The following FAM117B variants were observed in gnomAD, a reference collection of about 807,000 sequenced individuals.
The protein encoded by FAM117B is protein FAM117B.
In FAM117B, 22 loss-of-function variants were observed where a neutral mutation model predicts 52.8. The observed-to-expected ratio is 0.42, with a 90% CI of 0.30 to 0.59. FAM117B has a LOEUF of 0.59. Among genes scored for constraint, FAM117B ranks in the 20% least tolerant of loss-of-function variants. The pLI is 0.22. For missense variants in FAM117B, 678 were observed against 802.6 expected (o/e 0.84, Z 1.88); for synonymous variants, 309 against 324.1 (o/e 0.95, Z 0.50).
intron 2 of FAM117B, among the ~76,000 whole-genome samples, chr2:202,697,346 A>G (rs1485514382): frequency 6.6e-6 from 1 of 152,214 alleles, no homozygotes; most frequent in Non-Finnish European, 1.5e-5. Flanking sequence ...TAAATGCAGA[A>G]TAAATGGCCC....
intron 2 of FAM117B, among the ~76,000 whole-genome samples, chr2:202,698,059 C>T (rs772103381): frequency 3.3e-5 from 5 of 151,972 alleles, no homozygotes; most frequent in South Asian, 2.1e-4. Context: ...TTAGTAGAGA[C>T]GGGGTTTTGC....
intron 1 of FAM117B, among the ~76,000 whole-genome samples, chr2:202,689,520 T>A (rs1224489231): frequency 6.6e-6 from 1 of 152,218 alleles, no homozygotes; most frequent in African/African-American, 2.4e-5. Flanking sequence ...GCTGAATATT[T>A]ATCATTTGTA....
At chr2:202,668,601 C>G (rs1690246633) in intron 1 of FAM117B, among the ~76,000 whole-genome samples, 1 of 144,466 alleles carries the variant, frequency 6.9e-6, no homozygotes, top group Non-Finnish European at 1.5e-5. Flanking sequence ...GCCTGGGCTA[C>G]AGAGTGAGAT....
At chr2:202,715,032 T>C (rs1204839102) in intron 2 of FAM117B, among the ~76,000 whole-genome samples, 1 of 152,208 alleles carries the variant, frequency 6.6e-6, no homozygotes, top group Non-Finnish European at 1.5e-5. Flanking sequence ...TGGCCCGTTC[T>C]CAATGAGCTG....
At chr2:202,693,209 C>T (rs1378726252) in intron 1 of FAM117B, among the ~76,000 whole-genome samples, 1 of 152,120 alleles carries the variant, frequency 6.6e-6, no homozygotes. Context: ...CAGTATACTC[C>T]ATGTAAAAAT....
chr2:202,732,477 A>G (rs1029264986), intron 4 of FAM117B, among the ~76,000 whole-genome samples: 1 of 152,194 alleles, frequency 6.6e-6, no homozygotes, highest in African/African-American at 2.4e-5. Flanking sequence ...ATTTGATCAT[A>G]AAAAAGAATG....
intron 1 of FAM117B, among the ~76,000 whole-genome samples, chr2:202,643,592 A>G (rs939574621): frequency 2.6e-5 from 4 of 152,176 alleles, no homozygotes; most frequent in Non-Finnish European, 5.9e-5. Context: ...CACTGAACTT[A>G]TTATCAAATA....
In FAM117B at chr2:202,765,642, A is replaced by G. The variant is rs986390388; in HGVS notation, c.1648A>G (p.Ile550Val). The G allele has an allele frequency of 3.1e-6, 5 of 1,614,096 alleles. No homozygotes were observed. The highest frequency in any genetic ancestry group is 1.1e-5 in the South Asian group (1 of 91,078). ...CATGACAACCACTCTGCTGCAGCCT[A>G]TTGCTGTGGCCTCCCTGTCTACAAA... ...TGMTTTLLQP[I>V]AVASLSTNTE... Residue 550 changes from isoleucine to valine, a missense_variant, in exon 8 of 8, where the codon ATT (isoleucine) becomes GTT (valine). Physicochemically the swap from Ile to Val is conservative, Grantham distance 29. This residue lies in a region of FAM117B where 68 missense variants were observed against 80.6 expected (regional missense o/e 0.84). Coordinates refer to ENST00000392238, the MANE Select transcript of FAM117B (RefSeq NM_173511.4).
intron 1 of FAM117B, among the ~76,000 whole-genome samples, chr2:202,674,221 A>C (rs1574550879): frequency 6.6e-6 from 1 of 152,342 alleles, no homozygotes; most frequent in South Asian, 2.1e-4. Flanking sequence ...TCTCAATTTG[A>C]TATCATATAG....
At chr2:202,663,895 T>C (rs1463749250) in intron 1 of FAM117B, among the ~76,000 whole-genome samples, 1 of 152,322 alleles carries the variant, frequency 6.6e-6, no homozygotes, top group Non-Finnish European at 1.5e-5. Context: ...CATTAAGCTT[T>C]TTATATACCA....
At chr2:202,687,266 G>A (rs1289460407) in intron 1 of FAM117B, among the ~76,000 whole-genome samples, 1 of 152,198 alleles carries the variant, frequency 6.6e-6, no homozygotes, top group African/African-American at 2.4e-5. Flanking sequence ...ATAGGAAGTA[G>A]GTCAGAGTTT....
intron 7 of FAM117B, among the ~76,000 whole-genome samples, chr2:202,761,845 C>T (rs1005200733): frequency 1.3e-5 from 2 of 151,746 alleles, no homozygotes; most frequent in African/African-American, 4.8e-5. Flanking sequence ...TGTTTTATGG[C>T]ACATTGATCT....
In FAM117B at chr2:202,765,872, C is replaced by T; in HGVS notation, c.*108C>T. ...GTCGGCTGTGATGTGCTCCAGCTTT[C>T]CAGTGACATGTGACGGCGAGGCTTC... On this transcript the variant is annotated 3_prime_UTR_variant, in exon 8 of 8. Coordinates refer to ENST00000392238, the MANE Select transcript of FAM117B (RefSeq NM_173511.4). The T allele has an allele frequency of 8.5e-7, 1 of 1,181,782 alleles. No individual in the cohort carries two copies. The highest frequency in any genetic ancestry group is 1.2e-6 in the Non-Finnish European group (1 of 847,994). The allele number at this position is 1,181,782 out of a possible 1,614,324, so 73.2% of individuals were successfully genotyped here. A position where few individuals can be genotyped will look rare whatever the true frequency, so the allele number is the denominator to read the frequency against.
At chr2:202,648,047 C>T (rs1689895952) in intron 1 of FAM117B, among the ~76,000 whole-genome samples, 1 of 152,122 alleles carries the variant, frequency 6.6e-6, no homozygotes, top group Non-Finnish European at 1.5e-5. Context: ...CCTCTCTCCC[C>T]TACTCCATTC....
At chr2:202,728,373 G>A (rs1691289239) in intron 4 of FAM117B, among the ~76,000 whole-genome samples, 1 of 151,968 alleles carries the variant, frequency 6.6e-6, no homozygotes, top group Admixed American at 6.6e-5. Context: ...ATTAGTATTC[G>A]TGTATATTCT....
intron 1 of FAM117B, among the ~76,000 whole-genome samples, chr2:202,690,795 T>C (rs1690609050): frequency 6.6e-6 from 1 of 152,162 alleles, no homozygotes; most frequent in African/African-American, 2.4e-5. Context: ...TGGATTTCCT[T>C]ATAAATACAG....
intron 1 of FAM117B, among the ~76,000 whole-genome samples, chr2:202,664,581 A>G (rs1406036874): frequency 1.3e-5 from 2 of 152,228 alleles, no homozygotes; most frequent in East Asian, 3.8e-4. Context: ...TCAAAGAACT[A>G]ATTATGAAAA....
chr2:202,663,626 C>T (rs1690162586), intron 1 of FAM117B, among the ~76,000 whole-genome samples: 1 of 150,824 alleles, frequency 6.6e-6, no homozygotes, highest in African/African-American at 2.5e-5. Flanking sequence ...TCTCCTTTCC[C>T]AGGCTGGAGT....
rs1691985936 is a variant in FAM117B, at chr2:202,766,738, C to T, written c.*974C>T. 1.3e-5 allele frequency: 2 copies of T among 152,140 alleles called. No individual in the cohort carries two copies. Among genetic ancestry groups the T allele is most frequent in the African/African-American group, 4.8e-5 (2 of 41,408 alleles). 9.4% of individuals were successfully genotyped at this position (152,140 alleles called of 1,614,324 possible). ...TCCCTCCTTTACCACAGGTGTCATT[C>T]TACCTTTAATCATCACTGTATCATA... On this transcript the variant is annotated 3_prime_UTR_variant, in exon 8 of 8. Transcript: ENST00000392238.
Sources: gnomAD v4.1 joint callset for allele counts (sites outside exome capture counted in the v4.1 genomes callset) on GRCh38, gnomAD v4.1.1 for gene constraint, gnomAD v4.1.1 regional missense constraint, MANE v1.5 for transcripts, NCBI Gene and HGNC (gene_info 2026-07-23, HGNC 2026-07-21) for gene names.